The following GSE1 variants were observed in gnomAD, a reference collection of about 807,000 sequenced individuals.
The protein encoded by GSE1 is genetic suppressor element 1.
Under a neutral mutation model 112.6 loss-of-function variants are expected in GSE1, and 32 were observed. That is an observed-to-expected ratio of 0.28 (90% CI 0.21 to 0.38). GSE1 has a LOEUF of 0.38. Among genes scored for constraint, GSE1 ranks in the 10% least tolerant of loss-of-function variants. The pLI, the probability that GSE1 is intolerant of heterozygous loss-of-function variation, is 1.00. For missense variants in GSE1, 2,348 were observed against 1,699.2 expected, an observed-to-expected ratio of 1.38 and a Z score of -6.71; for synonymous variants, 1,115 against 735.6, an observed-to-expected ratio of 1.52 and a Z score of -8.35.
intron 1 of GSE1, among the ~76,000 whole-genome samples, chr16:85,620,081 A>G (rs1177961267): frequency 6.6e-6 from 1 of 152,034 alleles, no homozygotes; most frequent in East Asian, 1.9e-4. Flanking sequence ...GGATTGCTTG[A>G]GCTCTGCAGT....
chr16:85,611,576 C>T (rs1252174848), upstream of GSE1: 1 of 730,424 alleles, frequency 1.4e-6, no homozygotes, highest in Non-Finnish European at 1.7e-6. Context: ...GGTCCGTTTC[C>T]CTTTTCGTTT....
chr16:85,324,538 C>T (rs1045567983), intron 1 of GSE1, among the ~76,000 whole-genome samples: 1 of 149,580 alleles, frequency 6.7e-6, no homozygotes, highest in South Asian at 2.1e-4. Context: ...AAAAAGAAAA[C>T]ATCGGAACAT....
intron 2 of GSE1, among the ~76,000 whole-genome samples, chr16:85,393,153 C>T (rs1038291521): frequency 1.4e-4 from 21 of 152,166 alleles, no homozygotes; most frequent in African/African-American, 4.8e-4. Context: ...CTTGTAATCC[C>T]AGCACTTTGG....
chr16:85,359,394 G>T (rs1388489285), intron 2 of GSE1: 2 of 456,062 alleles, frequency 4.4e-6, no homozygotes, highest in Non-Finnish European at 8.8e-6. Flanking sequence ...GCAGAACAAG[G>T]CCCAGATGGA....
chr16:85,618,024 G>A (rs1279999672), intron 1 of GSE1, among the ~76,000 whole-genome samples: 1 of 152,194 alleles, frequency 6.6e-6, no homozygotes, highest in Non-Finnish European at 1.5e-5. Context: ...TGGCCCAGGT[G>A]TGCTTTGAGC....
chr16:85,231,068 G>A (rs1472719012), intron 1 of GSE1, among the ~76,000 whole-genome samples: 1 of 138,376 alleles, frequency 7.2e-6, no homozygotes, highest in Non-Finnish European at 1.5e-5. Flanking sequence ...ATGGATAGCT[G>A]GACAGAGGGA....
chr16:85,372,792 C>T (rs1455992510), intron 2 of GSE1, among the ~76,000 whole-genome samples: 1 of 152,170 alleles, frequency 6.6e-6, no homozygotes, highest in Non-Finnish European at 1.5e-5. Flanking sequence ...TTCTTCACCA[C>T]CCTCGGTGGG....
At chr16:85,372,544 A>C (rs1476003710) in intron 2 of GSE1, among the ~76,000 whole-genome samples, 1 of 151,506 alleles carries the variant, frequency 6.6e-6, no homozygotes, top group Non-Finnish European at 1.5e-5. Context: ...CACATTAGCA[A>C]GTAGTGCGCA....
chr16:85,570,819 C>T (rs1195844515), intron 1 of GSE1, among the ~76,000 whole-genome samples: 1 of 152,206 alleles, frequency 6.6e-6, no homozygotes, highest in African/African-American at 2.4e-5. Flanking sequence ...CTCTCGAAGA[C>T]CCTGCCGGAC....
intron 1 of GSE1, among the ~76,000 whole-genome samples, chr16:85,292,874 A>G (rs987817410): frequency 6.6e-6 from 1 of 152,254 alleles, no homozygotes; most frequent in Non-Finnish European, 1.5e-5. Context: ...AACAGGGACA[A>G]TGCTAGACAT....
At chr16:85,648,460 G>GC (rs538733677) in intron 2 of GSE1, 92 bp from the exon 3 acceptor site, 32 of 663,504 alleles carry the variant, frequency 4.8e-5, no homozygotes, top group Non-Finnish European at 7.8e-5. Context: ...CTCACTTGGA[G>GC]CAGGGGGGCA....
intron 1 of GSE1, among the ~76,000 whole-genome samples, chr16:85,331,589 ATGTGTATATGTGTATTTG>A: frequency 7.5e-6 from 1 of 134,170 alleles, no homozygotes; most frequent in Non-Finnish European, 1.6e-5. Context: ...ATGTGTATAT[ATGTGTATATGTGTATTTG>A]TGTATATATG....
In GSE1 at chr16:85,674,057, C is replaced by G. The variant is rs557174378; in HGVS notation, c.*1518C>G. The G allele has an allele frequency of 6.6e-6, 1 of 152,244 alleles. No individual in the cohort carries two copies. Among genetic ancestry groups the G allele is most frequent in the African/African-American group, 2.4e-5 (1 of 41,432 alleles). 9.4% of individuals were successfully genotyped at this position (152,244 alleles called of 1,614,324 possible). A position where few individuals can be genotyped will look rare whatever the true frequency, so the allele number is the denominator to read the frequency against. The stretch of plus-strand genomic sequence containing the variant: ...TTGTCCTAGTTACTGCCTATGGAGG[C>G]AGTGTTTAGATCAAGAAGGCCTCTC... On this transcript the variant is annotated 3_prime_UTR_variant, in exon 16 of 16. Coordinates refer to ENST00000253458, the MANE Select transcript of GSE1 (RefSeq NM_014615.5).
Position 85,654,286 on chromosome 16 carries a change from C to T in GSE1, c.435C>T (p.Gly145=), listed in dbSNP as rs1028230636. 6.3e-7 allele frequency: 1 copy of T among 1,599,028 alleles called. No individual in the cohort carries two copies. Among genetic ancestry groups the T allele is most frequent in the South Asian group, 1.1e-5 (1 of 89,278 alleles). The change falls in exon 4 of 16, where the codon GGC becomes GGT. Residue 145 remains glycine (G), a synonymous_variant. Coordinates refer to ENST00000253458, the MANE Select transcript of GSE1 (RefSeq NM_014615.5). ...VWRSESRQDA[G]SRSSSGGRER... The stretch of plus-strand genomic sequence containing the variant: ...ACGCTCTCCTCCCGCAGGATGCCGG[C>T]TCCAGGAGCAGCAGTGGAGGTCGGG...
At chr16:85,262,111 G>A (rs1033901267) in intron 1 of GSE1, among the ~76,000 whole-genome samples, 17 of 152,238 alleles carry the variant, frequency 1.1e-4, no homozygotes, top group East Asian at 3.9e-4. Context: ...GCATCTCCCC[G>A]GCGGGTGCTT....
chr16:85,214,956 C>G (rs558739477), intron 1 of GSE1, among the ~76,000 whole-genome samples: 5 of 152,192 alleles, frequency 3.3e-5, no homozygotes, highest in African/African-American at 1.2e-4. Context: ...CTTGCCCGGT[C>G]TTGGCCTCTG....
intron 2 of GSE1, among the ~76,000 whole-genome samples, chr16:85,417,938 C>T (rs1019655338): frequency 2.0e-5 from 3 of 152,232 alleles, no homozygotes; most frequent in South Asian, 2.1e-4. Flanking sequence ...CTCCCGAGTT[C>T]AAGCGATTCT....
chr16:85,249,188 G>T lies in GSE1; in HGVS notation c.2283+77381G>T, dbSNP rs555382728. On this transcript the variant is annotated intron_variant, in intron 1 of 2. Coordinates refer to the GSE1 transcript ENST00000637419. Reference sequence around the variant, plus strand: ...GAGAGTTATTTAAGCAGCAGCGGCCGCATTTGTGCAGACTTCATGGTGCCC... The same window carrying T: ...GAGAGTTATTTAAGCAGCAGCGGCCTCATTTGTGCAGACTTCATGGTGCCC... Among the ~76,000 whole-genome samples the T allele has an allele frequency of 3.3e-5, 5 of 152,336 alleles. No individual in the cohort carries two copies. The South Asian group carries it at 8.3e-4, about 25-fold the overall frequency.
At position 85,615,102 on chromosome 16, in the gene GSE1, C is replaced by T. The variant is rs189793596; in HGVS notation, c.7+1704C>T. 3.9e-3 allele frequency among the ~76,000 whole-genome samples: 599 copies of T among 152,306 alleles called. 3 individuals are homozygous for T. The highest frequency in any genetic ancestry group is 0.014 in the African/African-American group (565 of 41,562). On this transcript the variant is annotated intron_variant, in intron 1 of 15. Transcript: ENST00000253458. ...CCTTCCCTGGCCTCCCTCGGTGTTG[C>T]TTAAGCTTGGGGCACTTCAGTGTTG...
Sources: gnomAD v4.1 joint callset for allele counts (sites outside exome capture counted in the v4.1 genomes callset) on GRCh38, gnomAD v4.1.1 for gene constraint, MANE v1.5 for transcripts, NCBI Gene and HGNC (gene_info 2026-07-23, HGNC 2026-07-21) for gene names.